FHDC1: variants seen among roughly 807,000 people sequenced by gnomAD.
The protein encoded by FHDC1 is FH2 domain containing 1, also known as FH2 domain-containing protein 1.
In FHDC1, 25 loss-of-function variants were observed where a neutral mutation model predicts 52.6. The ratio of observed to expected loss-of-function variants is 0.48; its 90% CI spans 0.35 to 0.66. FHDC1 has a LOEUF of 0.66. Among genes scored for constraint, FHDC1 ranks in the 30% least tolerant of loss-of-function variants. The pLI is 0.01. For synonymous variants in FHDC1, 616 were observed against 581.5 expected, an observed-to-expected ratio of 1.06 and a Z score of -0.85; for missense variants, 1,459 against 1,452.8, an observed-to-expected ratio of 1.00 and a Z score of -0.07.
At chr4:152,928,985 AAG>A in the FHDC1 span, among the ~76,000 whole-genome samples, 1 of 151,568 alleles carries the variant, frequency 6.6e-6, no homozygotes, top group Admixed American at 6.6e-5. Flanking sequence ...GAGAAAAAAA[AAG>A]AAAGTTTATT....
At chr4:152,935,844 TGTGC>T (rs1319186411), upstream of FHDC1, among the ~76,000 whole-genome samples, 1 of 133,066 alleles carries the variant, frequency 7.5e-6, no homozygotes, top group African/African-American at 2.5e-5. Context: ...TGTGTGTGTG[TGTGC>T]GCGCGTGTAT....
the FHDC1 span, among the ~76,000 whole-genome samples, chr4:152,915,063 T>C: frequency 6.6e-6 from 1 of 152,170 alleles, no homozygotes; most frequent in Non-Finnish European, 1.5e-5. Context: ...TCCTAAATGA[T>C]TTCTGATTCT....
chr4:152,949,121 TAATAAGAAGAAGAAG>T (rs1451074946), intron 2 of FHDC1, among the ~76,000 whole-genome samples: 110 of 65,468 alleles, frequency 1.7e-3, no homozygotes, highest in African/African-American at 4.9e-3. Context: ...ATAATAATAA[TAATAAGAAGAAGAAG>T]AAGAAGAAGA....
upstream of FHDC1, among the ~76,000 whole-genome samples, chr4:152,933,648 G>T (rs868376111): frequency 1.4e-5 from 2 of 147,300 alleles, no homozygotes; most frequent in Admixed American, 6.9e-5. Flanking sequence ...CAGGAGAATC[G>T]CTTGAACCTG....
At chr4:152,911,662 A>G in the FHDC1 span, 2 of 152,586 alleles carry the variant, frequency 1.3e-5, no homozygotes, top group African/African-American at 2.4e-5. Context: ...GGACTGTAAG[A>G]TTTGTTATAT....
At chr4:152,973,283 C>A (rs1263517013) in intron 11 of FHDC1, among the ~76,000 whole-genome samples, 1 of 152,358 alleles carries the variant, frequency 6.6e-6, no homozygotes, top group South Asian at 2.1e-4. Context: ...ATCTCTCCCC[C>A]TCCAGTTGGA....
chr4:152,923,871 G>A, the FHDC1 span, among the ~76,000 whole-genome samples: 1 of 152,146 alleles, frequency 6.6e-6, no homozygotes, highest in Non-Finnish European at 1.5e-5. Context: ...ATGGATTAAA[G>A]ACTTAAACAT....
the FHDC1 span, among the ~76,000 whole-genome samples, chr4:152,919,618 T>G: frequency 6.6e-6 from 1 of 152,216 alleles, no homozygotes; most frequent in Non-Finnish European, 1.5e-5. Context: ...AATGCTTGAC[T>G]CTTTTTTACC....
chr4:152,959,348 C>T (rs1301703146), intron 4 of FHDC1, among the ~76,000 whole-genome samples: 2 of 152,200 alleles, frequency 1.3e-5, no homozygotes, highest in African/African-American at 4.8e-5. Flanking sequence ...GAAAACTTTC[C>T]TTTCATCTCC....
intron 2 of FHDC1, 104 bp from the exon 3 acceptor site, chr4:152,953,395 T>C (rs1739984601): frequency 1.2e-6 from 1 of 824,166 alleles, no homozygotes; most frequent in Admixed American, 2.3e-5. Flanking sequence ...GGAATTATTC[T>C]CTGATAAATT....
intron 9 of FHDC1, 52 bp downstream of exon 9, chr4:152,965,027 T>C: frequency 2.7e-6 from 4 of 1,494,654 alleles, no homozygotes; most frequent in Non-Finnish European, 3.7e-6. Context: ...TTATGAAAAC[T>C]GATAAATAGT....
chr4:152,924,076 C>T, the FHDC1 span, among the ~76,000 whole-genome samples: 1 of 150,564 alleles, frequency 6.6e-6, no homozygotes, highest in Admixed American at 6.6e-5. Flanking sequence ...AGGCAACCTA[C>T]AAAATGGGAG....
chr4:152,976,150 AGAGCAGAGGCTGCCGCGGGG>A lies in FHDC1; in HGVS notation c.2866_2885del (p.Pro958GlnfsTer34). 1 of 1,611,898 alleles carries A rather than the reference AGAGCAGAGGCTGCCGCGGGG, an allele frequency of 6.2e-7. No homozygotes were observed. The highest frequency in any genetic ancestry group is 1.1e-5 in the South Asian group (1 of 90,984). On this transcript the variant is annotated frameshift_variant, in exon 12 of 12. Transcript: ENST00000511601. LOFTEE classifies it low-confidence loss of function (END_TRUNC). ...TGCGGAGGGCCTCCACAGGCGCCGA[AGAGCAGAGGCTGCCGCGGGG>A]GAGCAGCGGCTCCAGCAGCACCCGT...
At chr4:152,930,935 G>T in the FHDC1 span, among the ~76,000 whole-genome samples, 6 of 145,902 alleles carry the variant, frequency 4.1e-5, no homozygotes, top group African/African-American at 1.3e-4. Context: ...ACTTATGTGG[G>T]GTGTGCACAT....
At position 152,962,864 on chromosome 4, in the gene FHDC1, G is replaced by A; in HGVS notation, c.901G>A (p.Ala301Thr). 1 of 1,613,612 alleles carries A rather than the reference G, an allele frequency of 6.2e-7. No homozygotes were observed. The highest frequency in any genetic ancestry group is 1.7e-4 in the Middle Eastern group (1 of 6,060). ...LHSILHLVLQ[A>T]GNIMNAGGYA... ...TTCAATATTACACTTGGTGCTCCAG[G>A]CTGGGAATATCATGAATGCAGTAAG... is the stretch of plus-strand genomic sequence containing the variant. Residue 301 changes from alanine (A) to threonine (T), a missense_variant, in exon 7 of 12, where the codon GCT becomes ACT. By Grantham distance (58) the Ala-to-Thr change is moderately conservative. Coordinates refer to ENST00000511601, the MANE Select transcript of FHDC1 (RefSeq NM_001371116.1).
Position 152,976,708 on chromosome 4 carries a change from T to C in FHDC1, c.3417T>C (p.Asn1139=), listed in dbSNP as rs1452966362. Residue 1139 remains asparagine, a synonymous_variant, in exon 12 of 12, where the codon AAT becomes AAC. Transcript: ENST00000511601. ...GGACCACGCTGGGGAGAATCCTCAA[T>C]CCCTTACGGAAGTGATGGGTGCCTG... The part of the protein sequence containing the change: ...SSRTTLGRIL[N]PLRK 2.7e-6 allele frequency: 4 copies of C among 1,486,656 alleles called. No homozygotes were observed. Among genetic ancestry groups the C allele is most frequent in the South Asian group, 2.7e-5 (2 of 73,750 alleles). 92.1% of individuals were successfully genotyped at this position (1,486,656 alleles called of 1,614,324 possible). A position where few individuals can be genotyped will look rare whatever the true frequency, so the allele number is the denominator to read the frequency against.
intron 11 of FHDC1, 119 bp from the exon 12 acceptor site, chr4:152,974,555 CA>C: frequency 7.0e-7 from 1 of 1,419,150 alleles, no homozygotes; most frequent in South Asian, 1.7e-5. Context: ...CAGTGTAAGA[CA>C]TGACCCTGAG....
intron 2 of FHDC1, among the ~76,000 whole-genome samples, chr4:152,949,170 A>AAGAAGAAGCAGC (rs1165422183): frequency 1.8e-4 from 25 of 142,646 alleles, no homozygotes; most frequent in Non-Finnish European, 3.1e-4. Context: ...GAAGAAGAAG[A>AAGAAGAAGCAGC]AGCAGAAGAA....
At chr4:152,959,860 AC>A (rs1057499209) in intron 4 of FHDC1, among the ~76,000 whole-genome samples, 6 of 151,764 alleles carry the variant, frequency 4.0e-5, no homozygotes, top group African/African-American at 1.5e-4. Context: ...TCAGGCTGGA[AC>A]CCCGCTTTTC....
Sources: allele counts gnomAD v4.1 joint callset (sites outside exome capture counted in the v4.1 genomes callset), GRCh38; gene constraint gnomAD v4.1.1; transcripts MANE v1.5; gene names NCBI Gene and HGNC (gene_info 2026-07-23, HGNC 2026-07-21).